Variants in CSMD1 observed in about 807,000 individuals in gnomAD.
CSMD1 encodes the protein CUB and sushi domain-containing protein 1.
Under a neutral mutation model 417.5 loss-of-function variants are expected in CSMD1, and 213 were observed. The ratio of observed to expected loss-of-function variants is 0.51; its 90% confidence interval spans 0.46 to 0.57. The LOEUF (loss-of-function observed/expected upper bound fraction) is 0.57. Ranked by LOEUF, CSMD1 falls within the 20% of genes least tolerant of loss-of-function variation. The pLI is 0.00. For synonymous variants in CSMD1, 2,862 were observed against 1,736.8 expected (o/e 1.65, Z -16.11); for missense variants, 6,923 against 4,529.7 (o/e 1.53, Z -15.17).
At chr8:4,074,219 A>G (rs1810381175) in intron 3 of CSMD1, among the ~76,000 whole-genome samples, 1 of 152,088 alleles carries the variant, frequency 6.6e-6, no homozygotes. Flanking sequence ...CACAAATTAT[A>G]CAGCTTTTTG....
chr8:2,944,627 C>G (rs1422229347), intron 68 of CSMD1, among the ~76,000 whole-genome samples: 1 of 152,092 alleles, frequency 6.6e-6, no homozygotes, highest in Non-Finnish European at 1.5e-5. Flanking sequence ...TAGCTTTCCT[C>G]TTGACTCCTC....
intron 42 of CSMD1, among the ~76,000 whole-genome samples, chr8:3,111,634 C>T (rs1034103245): frequency 6.6e-6 from 1 of 152,038 alleles, no homozygotes; most frequent in Non-Finnish European, 1.5e-5. Flanking sequence ...GAGTTTGAGA[C>T]CAGCCTGACC....
intron 12 of CSMD1, among the ~76,000 whole-genome samples, chr8:3,463,981 C>A (rs997503468): frequency 6.6e-6 from 1 of 152,150 alleles, no homozygotes; most frequent in African/African-American, 2.4e-5. Context: ...ACGAAGGAGA[C>A]AATTCCGTTT....
intron 41 of CSMD1, among the ~76,000 whole-genome samples, chr8:3,131,474 T>A (rs1355890042): frequency 3.3e-5 from 5 of 149,328 alleles, no homozygotes; most frequent in Admixed American, 3.3e-4. Context: ...AATACTAATT[T>A]TTTTTTTTTT....
chr8:4,213,709 C>T (rs1457970889), intron 3 of CSMD1, among the ~76,000 whole-genome samples: 1 of 152,150 alleles, frequency 6.6e-6, no homozygotes, highest in African/African-American at 2.4e-5. Flanking sequence ...GCCGTGGGCT[C>T]CTGTGTGATT....
At chr8:4,754,501 A>G (rs1165009789) in intron 1 of CSMD1, among the ~76,000 whole-genome samples, 1 of 151,988 alleles carries the variant, frequency 6.6e-6, no homozygotes, top group African/African-American at 2.4e-5. Flanking sequence ...CAAGTTTAGC[A>G]TAAATGCACT....
chr8:4,057,064 C>T (rs910572297), intron 3 of CSMD1, among the ~76,000 whole-genome samples: 12 of 152,198 alleles, frequency 7.9e-5, no homozygotes, highest in Non-Finnish European at 2.9e-5. Flanking sequence ...AATGGGATGC[C>T]TGGGTCAAAT....
At chr8:4,213,539 C>T (rs1038772480) in intron 3 of CSMD1, among the ~76,000 whole-genome samples, 2 of 152,200 alleles carry the variant, frequency 1.3e-5, no homozygotes, top group South Asian at 2.1e-4. Context: ...ATGACAGACA[C>T]ACAACGTCTA....
In CSMD1 at chr8:4,791,985, T is replaced by C. The variant is rs539636327; in HGVS notation, c.86-154427A>G. Among the ~76,000 whole-genome samples the C allele has an allele frequency of 2.0e-4, 30 of 152,164 alleles. No individual in the cohort carries two copies. In the South Asian group the frequency reaches 6.2e-3, roughly 31 times the overall value. ...CAAGATTGTTTATCCAAGTGTCCTT[T>C]ATAGTGTGTGTCTCAAAGGTTAATC... is the stretch of plus-strand genomic sequence containing the variant. On this transcript the variant is annotated intron_variant, in intron 1 of 69. Transcript: ENST00000635120.
chr8:4,501,211 T>C (rs1277351231), intron 2 of CSMD1, among the ~76,000 whole-genome samples: 1 of 152,160 alleles, frequency 6.6e-6, no homozygotes. Flanking sequence ...TATATTAATA[T>C]CCTCTATAAC....
chr8:3,417,022 A>G (rs1264207290), intron 12 of CSMD1, among the ~76,000 whole-genome samples: 1 of 152,250 alleles, frequency 6.6e-6, no homozygotes, highest in Non-Finnish European at 1.5e-5. Context: ...CCTGAATTTT[A>G]GTGAGAATGA....
chr8:3,505,209 T>C (rs369049743), intron 10 of CSMD1, among the ~76,000 whole-genome samples: 3 of 152,062 alleles, frequency 2.0e-5, no homozygotes, highest in African/African-American at 7.2e-5. Flanking sequence ...AATGTAAAAG[T>C]CGCAATGCAA....
chr8:4,080,557 G>A (rs1396186703), intron 3 of CSMD1, among the ~76,000 whole-genome samples: 1 of 152,192 alleles, frequency 6.6e-6, no homozygotes, highest in Non-Finnish European at 1.5e-5. Flanking sequence ...TTCTCCAGAA[G>A]ATAAAACTGT....
intron 18 of CSMD1, among the ~76,000 whole-genome samples, chr8:3,374,706 G>T (rs1015251654): frequency 6.6e-6 from 1 of 152,168 alleles, no homozygotes; most frequent in Non-Finnish European, 1.5e-5. Flanking sequence ...GGTGCCCCGA[G>T]ACAGGCTGTC....
intron 10 of CSMD1, among the ~76,000 whole-genome samples, chr8:3,499,673 CT>C (rs1796513367): frequency 6.6e-6 from 1 of 151,970 alleles, no homozygotes; most frequent in Non-Finnish European, 1.5e-5. Context: ...CCCGACTCTG[CT>C]TGACGACTTG....
intron 7 of CSMD1, among the ~76,000 whole-genome samples, chr8:3,672,571 T>C (rs981871310): frequency 5.3e-5 from 8 of 152,248 alleles, no homozygotes; most frequent in African/African-American, 1.9e-4. Context: ...TTAAAGCTCA[T>C]GGATTCCCAA....
intron 2 of CSMD1, among the ~76,000 whole-genome samples, chr8:4,526,537 T>C (rs1361916757): frequency 1.3e-5 from 2 of 152,228 alleles, no homozygotes; most frequent in African/African-American, 2.4e-5. Flanking sequence ...AACTGAATTA[T>C]AGAACTGTGT....
chr8:4,748,699 C>T (rs1033570063), intron 1 of CSMD1, among the ~76,000 whole-genome samples: 9 of 152,182 alleles, frequency 5.9e-5, no homozygotes, highest in Admixed American at 5.9e-4. Flanking sequence ...GAATAGCCCA[C>T]ACCTGAGTTG....
chr8:3,371,774 C>T (rs1168371312), intron 18 of CSMD1, among the ~76,000 whole-genome samples: 4 of 152,020 alleles, frequency 2.6e-5, no homozygotes, highest in Non-Finnish European at 4.4e-5. Flanking sequence ...ATATAAAAAT[C>T]GGCAAAAGAG....
Sources: gnomAD v4.1 joint callset for allele counts (sites outside exome capture counted in the v4.1 genomes callset) on GRCh38, gnomAD v4.1.1 for gene constraint, MANE v1.5 for transcripts, NCBI Gene and HGNC (gene_info 2026-07-23, HGNC 2026-07-21) for gene names.